Variants in FGF2 observed in about 807,000 individuals in gnomAD.
FGF2 encodes basic fibroblast growth factor bFGF.
FGF2 carries 13 observed loss-of-function variants against 15.9 expected under a neutral mutation model. The observed-to-expected ratio is 0.82, with a 90% CI of 0.53 to 1.30. The LOEUF is 1.30. Among genes scored for constraint, FGF2 ranks in the 50% most tolerant of loss-of-function variants. The probability of loss-of-function intolerance (pLI) is 0.00; values close to 1 mark genes in which losing one functional copy is unlikely to be tolerated. For missense variants in FGF2, 163 were observed against 196.9 expected, an observed-to-expected ratio of 0.83 and a Z score of 1.03; for synonymous variants, 90 against 78.4, an observed-to-expected ratio of 1.15 and a Z score of -0.78.
chr4:122,871,247 T>A (rs1293908637), intron 1 of FGF2, among the ~76,000 whole-genome samples: 2 of 152,156 alleles, frequency 1.3e-5, no homozygotes, highest in African/African-American at 2.4e-5. Flanking sequence ...AAATACGTGG[T>A]CGGTTTTAGA....
chr4:122,892,821 T>C lies in FGF2; in HGVS notation c.*425T>C, dbSNP rs757474041. 14 of 1,582,380 alleles carry C rather than the reference T, an allele frequency of 8.8e-6. No homozygotes were observed. The highest frequency in any genetic ancestry group is 2.2e-5 in the East Asian group (1 of 44,774). ...GTCTACATGTTTCTAAACATATAAA[T>C]GTGAATTTAATCAATTCCTTTCATA... On this transcript the variant is annotated 3_prime_UTR_variant, in exon 3 of 3. Transcript: ENST00000644866.
At chr4:122,876,450 G>A (rs368160110) in intron 2 of FGF2, 26 bp downstream of exon 2, 192 of 1,419,136 alleles carry the variant, frequency 1.4e-4, no homozygotes, top group Non-Finnish European at 1.8e-4. Flanking sequence ...GTTTTCACAC[G>A]TTTTTTGTTA....
intron 2 of FGF2, among the ~76,000 whole-genome samples, chr4:122,878,023 A>C (rs1726891606): frequency 6.6e-6 from 1 of 152,192 alleles, no homozygotes; most frequent in Admixed American, 6.5e-5. Flanking sequence ...AATAGCCAAT[A>C]CTTATTAAGT....
chr4:122,845,143 C>G lies in FGF2; in HGVS notation c.178+17791C>G, dbSNP rs146684258. On this transcript the variant is annotated intron_variant, in intron 1 of 2. Transcript: ENST00000644866. The stretch of plus-strand genomic sequence containing the variant: ...TCCATCAAAGCTCTTGAGTGACTAG[C>G]TATGTTGCTAGCCAACAGTATTCTT... Among the ~76,000 whole-genome samples the G allele has an allele frequency of 4.4e-4, 67 of 152,306 alleles. 1 individual carries two copies. In the Middle Eastern group the frequency reaches 0.01, roughly 23 times the overall value.
intron 1 of FGF2, among the ~76,000 whole-genome samples, chr4:122,868,630 A>G (rs1228894839): frequency 6.6e-6 from 1 of 152,204 alleles, no homozygotes; most frequent in Non-Finnish European, 1.5e-5. Flanking sequence ...CTTTGGGTAT[A>G]TACCCAGTAA....
chr4:122,879,800 C>T (rs1229522974), intron 2 of FGF2, among the ~76,000 whole-genome samples: 1 of 152,192 alleles, frequency 6.6e-6, no homozygotes, highest in Non-Finnish European at 1.5e-5. Context: ...ACCATCAGAT[C>T]TTGTGAGACT....
intron 1 of FGF2, among the ~76,000 whole-genome samples, chr4:122,854,736 G>A (rs546198808): frequency 6.6e-6 from 1 of 152,332 alleles, no homozygotes; most frequent in South Asian, 2.1e-4. Flanking sequence ...TTGGCTGGAA[G>A]CGTGGTTTTC....
Position 122,897,407 on chromosome 4 carries a change from A to T in FGF2, c.*5011A>T, listed in dbSNP as rs1311418479. On this transcript the variant is annotated 3_prime_UTR_variant, in exon 3 of 3. Coordinates refer to ENST00000644866, the MANE Select transcript of FGF2 (RefSeq NM_001361665.2). ...AGTCATAAACAGAAGAATAGGTGGTATGTTCCTAATGATATTATTTCTACT... is the reference window on the plus strand; with the variant it reads ...AGTCATAAACAGAAGAATAGGTGGTTTGTTCCTAATGATATTATTTCTACT... 3.6e-6 allele frequency: 2 copies of T among 552,242 alleles called. No homozygotes were observed. The highest frequency in any genetic ancestry group is 6.5e-6 in the Non-Finnish European group (2 of 308,584). The allele number at this position is 552,242 out of a possible 1,614,324, so 34.2% of individuals were successfully genotyped here. A position where few individuals can be genotyped will look rare whatever the true frequency, so the allele number is the denominator to read the frequency against.
intron 2 of FGF2, chr4:122,889,877 T>C (rs1295424465): frequency 6.6e-6 from 1 of 152,152 alleles, no homozygotes; most frequent in African/African-American, 2.4e-5. Flanking sequence ...TGCCAAGCAT[T>C]GTAGGGAGTG....
intron 1 of FGF2, among the ~76,000 whole-genome samples, chr4:122,852,934 A>G (rs1327702452): frequency 6.8e-6 from 1 of 148,012 alleles, no homozygotes; most frequent in East Asian, 2.0e-4. Flanking sequence ...TCCAGATTGC[A>G]TTAAACCTAA....
At position 122,878,290 on chromosome 4, in the gene FGF2, C is replaced by T. The variant is rs143918316; in HGVS notation, c.282+1866C>T. Among the ~76,000 whole-genome samples the T allele has an allele frequency of 3.3e-5, 5 of 152,028 alleles. No homozygotes were observed. The East Asian group carries it at 5.8e-4, about 18-fold the overall frequency. ...ATTTTTCTAGAATTGGGGGAGATGA[C>T]CTATAAGTAGAATTTTAGACGTTGT... On this transcript the variant is annotated intron_variant, in intron 2 of 2. Coordinates refer to ENST00000644866, the MANE Select transcript of FGF2 (RefSeq NM_001361665.2).
At chr4:122,892,151 A>T in intron 2 of FGF2, 60 bp from the exon 3 acceptor site, 1 of 1,344,006 alleles carries the variant, frequency 7.4e-7, no homozygotes, top group Non-Finnish European at 1.1e-6. Flanking sequence ...AATATTTAAT[A>T]TGAAAAGTGT....
Position 122,827,879 on chromosome 4 carries a change from CGAAA to C in FGF2, c.178+529_178+532del, listed in dbSNP as rs1725681540. On this transcript the variant is annotated intron_variant, in intron 1 of 2. Transcript: ENST00000644866. The surrounding 1 kb of genome is among the most constrained non-coding windows in gnomAD (Gnocchi z 4.2). ...TCTGTTTTATATTTTTCCGAATTGA[CGAAA>C]GCTGAAAGAGCAAAAACAAAAACCA... Among the ~76,000 whole-genome samples the C allele has an allele frequency of 6.6e-6, 1 of 152,170 alleles. No homozygotes were observed. Among genetic ancestry groups the C allele is most frequent in the South Asian group, 2.1e-4 (1 of 4,830 alleles).
In FGF2 at chr4:122,827,404, C is replaced by T. The variant is rs1444984007; in HGVS notation, c.178+52C>T. The T allele has an allele frequency of 1.3e-6, 2 of 1,589,366 alleles. No individual in the cohort carries two copies. Among genetic ancestry groups the T allele is most frequent in the Non-Finnish European group, 1.7e-6 (2 of 1,160,448 alleles). On this transcript the variant is annotated intron_variant, in intron 1 of 2. Coordinates refer to ENST00000644866, the MANE Select transcript of FGF2 (RefSeq NM_001361665.2). This position sits in a 1 kb window ranked among gnomAD's most constrained non-coding sequence, Gnocchi z 4.2. ...TCATTTCCATTTCGTGGGTTCTCGC[C>T]CGCTCTCTCCCCTCCAGCCTGCACC... is the stretch of plus-strand genomic sequence containing the variant.
chr4:122,851,997 G>T (rs971234595), intron 1 of FGF2, among the ~76,000 whole-genome samples: 1 of 152,246 alleles, frequency 6.6e-6, no homozygotes, highest in Admixed American at 6.5e-5. Context: ...GTGTGTTTAG[G>T]ATAGTACTGT....
chr4:122,893,338 C>G lies in FGF2; in HGVS notation c.*942C>G. The G allele has an allele frequency of 1.0e-6, 1 of 994,646 alleles. No homozygotes were observed. Among genetic ancestry groups the G allele is most frequent in the Non-Finnish European group, 1.4e-6 (1 of 712,916 alleles). 61.6% of individuals were successfully genotyped at this position (994,646 alleles called of 1,614,324 possible). On this transcript the variant is annotated 3_prime_UTR_variant, in exon 3 of 3. Coordinates refer to ENST00000644866, the MANE Select transcript of FGF2 (RefSeq NM_001361665.2). The stretch of plus-strand genomic sequence containing the variant: ...GTAAAGGCTCAAAACATTACCCTAA[C>G]AAAGTAAAGTTTTCAATACAAATTC...
At chr4:122,867,395 T>TATAATGGAAAATTATAA (rs1486295174) in intron 1 of FGF2, among the ~76,000 whole-genome samples, 2 of 152,226 alleles carry the variant, frequency 1.3e-5, no homozygotes, top group African/African-American at 4.8e-5. Context: ...TTATGGTGTC[T>TATAATGGAAAATTATAA]TTGGAAAAGG....
chr4:122,840,662 C>A, intron 1 of FGF2: 2 of 193,396 alleles, frequency 1.0e-5, no homozygotes, highest in South Asian at 1.1e-4. Context: ...GTGGGTGCTG[C>A]CCCACGACCT....
At chr4:122,874,063 C>T (rs1336658948) in intron 1 of FGF2, among the ~76,000 whole-genome samples, 2 of 152,174 alleles carry the variant, frequency 1.3e-5, no homozygotes, top group Non-Finnish European at 2.9e-5. Flanking sequence ...CAGAGCTGGG[C>T]TAGCGTTGAT....
Sources: gnomAD v4.1 joint callset for allele counts (sites outside exome capture counted in the v4.1 genomes callset) on GRCh38, gnomAD v4.1.1 for gene constraint, Gnocchi (gnomAD v3.1) non-coding constraint, MANE v1.5 for transcripts, NCBI Gene and HGNC (gene_info 2026-07-23, HGNC 2026-07-21) for gene names.